Variants in CDK16 observed in about 807,000 individuals in gnomAD.
The protein encoded by CDK16 is cyclin-dependent kinase 16.
Under a neutral mutation model 41.6 loss-of-function variants are expected in CDK16, and 2 were observed. The ratio of observed to expected loss-of-function variants is 0.05; its 90% CI spans 0.02 to 0.15. CDK16 has a LOEUF of 0.15. CDK16 is among the 10% of genes least tolerant of loss of function. The pLI, the probability that CDK16 is intolerant of heterozygous loss-of-function variation, is 1.00. For synonymous variants in CDK16, 169 were observed against 169.7 expected (o/e 1.00, Z 0.03); for missense variants, 228 against 428.9 (o/e 0.53, Z 4.14).
chrX:47,224,958 C>A (rs1407361757), intron 5 of CDK16, 30 bp from the exon 6 acceptor site: 2 of 1,196,614 alleles, frequency 1.7e-6, no homozygotes, highest in South Asian at 3.6e-5. Flanking sequence ...TCTCATAGCA[C>A]CTCTCCTGTC....
At chrX:47,223,335 C>G (rs1937428645) in intron 1 of CDK16, 1 of 1,142,667 alleles carries the variant, frequency 8.8e-7, no homozygotes, top group Non-Finnish European at 1.2e-6. Context: ...GAGCAGGGTC[C>G]CAGTGGGGCT....
At position 47,218,890 on chromosome X, in the gene CDK16, G is replaced by C; in HGVS notation, c.-222G>C. On this transcript the variant is annotated 5_prime_UTR_variant, in exon 1 of 16. Coordinates refer to ENST00000357227, the MANE Select transcript of CDK16 (RefSeq NM_006201.5). ...CGGCCAAGCTCATGGCCGGCTGAGC[G>C]GGACGCCGCCTCCGCCTCAGCCACC... The C allele has an allele frequency of 2.8e-6, 3 of 1,078,617 alleles. No individual in the cohort carries two copies. The highest frequency in any genetic ancestry group is 3.6e-6 in the Non-Finnish European group (3 of 834,091). The allele number at this position is 1,078,617 out of a possible 1,213,427, so 88.9% of individuals were successfully genotyped here. A position where few individuals can be genotyped will look rare whatever the true frequency, so the allele number is the denominator to read the frequency against.
Position 47,226,021 on chromosome X carries a change from C to T in CDK16, c.786C>T (p.Asn262=), listed in dbSNP as rs184472500. 1.2e-5 allele frequency: 14 copies of T among 1,196,632 alleles called. No homozygotes were observed. The highest frequency in any genetic ancestry group is 5.3e-5 in the African/African-American group (3 of 56,988). Residue 262 remains asparagine (N), a synonymous_variant, in exon 8 of 16, where the codon AAC becomes AAT. Transcript: ENST00000357227. ...DDCGNIINMH[N]VKLFLFQLLR... ...GTGGGAACATCATCAACATGCACAA[C>T]GTGAAAGTGGGTGTGGGGCAGGAAG... is the stretch of plus-strand genomic sequence containing the variant.
At chrX:47,225,298 T>C (rs910965120) in intron 6 of CDK16, among the ~76,000 whole-genome samples, 196 bp downstream of exon 6, 10 of 112,047 alleles carry the variant, frequency 8.9e-5, no homozygotes, top group African/African-American at 2.9e-4. Flanking sequence ...GGTAGATGAA[T>C]TGCAAACCAG....
At position 47,229,325 on chromosome X, in the gene CDK16, A is replaced by G. The variant is rs2055300882; in HGVS notation, c.*557A>G. On this transcript the variant is annotated 3_prime_UTR_variant, in exon 16 of 16. Coordinates refer to ENST00000357227, the MANE Select transcript of CDK16 (RefSeq NM_006201.5). ...TTTTTTTTAAATGCAATATCTCTGTATACAGACTGGCTGGGCCCCACCCCC... is the reference window on the plus strand; with the variant it reads ...TTTTTTTTAAATGCAATATCTCTGTGTACAGACTGGCTGGGCCCCACCCCC... The G allele has an allele frequency of 3.5e-6, 1 of 288,361 alleles. No homozygotes were observed. Among genetic ancestry groups the G allele is most frequent in the Non-Finnish European group, 6.5e-6 (1 of 154,957 alleles). 23.8% of individuals were successfully genotyped at this position (288,361 alleles called of 1,213,427 possible).
Position 47,224,977 on chromosome X carries a change from T to A in CDK16, c.520-11T>A, listed in dbSNP as rs758959289. ...ATAGCACCTCTCCTGTCACACTTCC[T>A]CACATTCCAGGGTACCTATGCCACC... is the stretch of plus-strand genomic sequence containing the variant. On this transcript the variant is annotated splice_polypyrimidine_tract_variant and intron_variant, in intron 5 of 15. Coordinates refer to ENST00000357227, the MANE Select transcript of CDK16 (RefSeq NM_006201.5). 35 of 1,201,730 alleles carry A rather than the reference T, an allele frequency of 2.9e-5. No individual in the cohort carries two copies. The highest frequency in any genetic ancestry group is 2.3e-4 in the Middle Eastern group (1 of 4,351).
chrX:47,222,650 C>T (rs867793065), intron 1 of CDK16, among the ~76,000 whole-genome samples: 2 of 794 alleles, frequency 2.5e-3, no homozygotes, highest in South Asian at 0.067. Context: ...GGAATGATGG[C>T]GGGGGGGTGT....
intron 1 of CDK16, among the ~76,000 whole-genome samples, chrX:47,220,628 G>C (rs1189900950): frequency 9.1e-6 from 1 of 109,811 alleles, no homozygotes; most frequent in Non-Finnish European, 1.9e-5. Context: ...TGTGAGGCCC[G>C]GCGTGTGCTA....
intron 1 of CDK16, chrX:47,222,037 G>C (rs1385594292): frequency 8.9e-6 from 1 of 111,876 alleles, no homozygotes; most frequent in Non-Finnish European, 1.9e-5. Flanking sequence ...AGCCCAAGAG[G>C]AAGCAGAAGA....
intron 2 of CDK16, 113 bp downstream of exon 2, chrX:47,223,872 C>T (rs951369106): frequency 6.6e-6 from 4 of 608,339 alleles, no homozygotes; most frequent in Non-Finnish European, 1.0e-5. Flanking sequence ...CTCTGCCCCC[C>T]ATGTGCTCTC....
At position 47,226,722 on chromosome X, in the gene CDK16, G is replaced by A. The variant is rs1195224431; in HGVS notation, c.1037+19G>A. 2 of 1,200,232 alleles carry A rather than the reference G, an allele frequency of 1.7e-6. No homozygotes were observed. The highest frequency in any genetic ancestry group is 3.0e-5 in the East Asian group (1 of 33,814). ...ACATGTGGTAAGGACAGGTGGAAGT[G>A]TGGCAGGGGCCATGTGGTAAAGGGG... On this transcript the variant is annotated intron_variant, in intron 10 of 15. Coordinates refer to ENST00000357227, the MANE Select transcript of CDK16 (RefSeq NM_006201.5).
chrX:47,224,583 T>G (rs1937500651), intron 3 of CDK16, 35 bp from the exon 4 acceptor site: 1 of 1,210,523 alleles, frequency 8.3e-7, no homozygotes, highest in Admixed American at 2.2e-5. Context: ...GAGGTGGAGC[T>G]CATGATCCTG....
chrX:47,224,949 C>G, intron 5 of CDK16, 39 bp from the exon 6 acceptor site: 1 of 1,195,006 alleles, frequency 8.4e-7, no homozygotes, highest in Non-Finnish European at 1.1e-6. Context: ...CTCCTGGAAT[C>G]TCATAGCACC....
chrX:47,228,782 GCCC>G lies in CDK16; in HGVS notation c.*16_*18del. 1 of 1,206,605 alleles carries G rather than the reference GCCC, an allele frequency of 8.3e-7. No homozygotes were observed. On this transcript the variant is annotated 3_prime_UTR_variant, in exon 16 of 16. Coordinates refer to ENST00000357227, the MANE Select transcript of CDK16 (RefSeq NM_006201.5). The stretch of plus-strand genomic sequence containing the variant: ...ACCGAGTTCTAAGCCACAGACCGAG[GCCC>G]CAGCAGGCAGCGGCTGGAGGGATGC...
In CDK16 at chrX:47,225,806, C is replaced by T. The variant is rs1223309798; in HGVS notation, c.669C>T (p.Ile223=). 5 of 1,209,287 alleles carry T rather than the reference C, an allele frequency of 4.1e-6. No homozygotes were observed. Among genetic ancestry groups the T allele is most frequent in the East Asian group, 3.0e-5 (1 of 33,779 alleles). The change falls in exon 7 of 16, where the codon ATC becomes ATT. Residue 223 remains isoleucine, a synonymous_variant. Coordinates refer to ENST00000357227, the MANE Select transcript of CDK16 (RefSeq NM_006201.5). ...SLLKDLKHAN[I]VTLHDIIHTE... is the part of the protein sequence containing the mutation. ...TCAAGGACCTCAAACACGCCAACAT[C>T]GTTACGCTACATGACATTATCCACA...
chrX:47,224,294 T>G, intron 2 of CDK16, 91 bp from the exon 3 acceptor site: 3 of 983,400 alleles, frequency 3.1e-6, no homozygotes, highest in Non-Finnish European at 4.1e-6. Flanking sequence ...CGTGCACACA[T>G]GTGTGATGAT....
chrX:47,228,451 G>T (rs2055274964), intron 14 of CDK16, 116 bp from the exon 15 acceptor site: 1 of 552,527 alleles, frequency 1.8e-6, no homozygotes. Context: ...ACAGATAAAG[G>T]TCAAGCCTCT....
At chrX:47,223,845 T>A in intron 2 of CDK16, 86 bp downstream of exon 2, 1 of 881,136 alleles carries the variant, frequency 1.1e-6, no homozygotes, top group Non-Finnish European at 1.6e-6. Context: ...CATTTTCCTC[T>A]AAATTTTCTG....
Position 47,223,664 on chromosome X carries a change from G to A in CDK16, c.107G>A (p.Ser36Asn), listed in dbSNP as rs1937444685. ...GAPEQIGLDE[S>N]GGGGGSDPGE... ...CCTGAGCAGATAGGCCTGGATGAGAGTGGTGGTGGTGGCGGCAGTGACCCT... is the reference window on the plus strand; with the variant it reads ...CCTGAGCAGATAGGCCTGGATGAGAATGGTGGTGGTGGCGGCAGTGACCCT... Residue 36 changes from serine to asparagine, a missense_variant, in exon 2 of 16, where the codon AGT (serine) becomes AAT (asparagine). Ser to Asn is a conservative substitution (Grantham distance 46). This residue lies in a region of CDK16 where 71 missense variants were observed against 102.2 expected (regional missense o/e 0.69). Coordinates refer to ENST00000357227, the MANE Select transcript of CDK16 (RefSeq NM_006201.5). 1 of 1,208,176 alleles carries A rather than the reference G, an allele frequency of 8.3e-7. No homozygotes were observed.
Sources: allele counts gnomAD v4.1 joint callset (sites outside exome capture counted in the v4.1 genomes callset), GRCh38; gene constraint gnomAD v4.1.1; regional missense constraint gnomAD v4.1.1; transcripts MANE v1.5; gene names NCBI Gene and HGNC (gene_info 2026-07-23, HGNC 2026-07-21).